Variants in MAP2K5 observed in about 807,000 individuals in gnomAD.
The protein encoded by MAP2K5 is mitogen-activated protein kinase kinase 5, also known as dual specificity mitogen-activated protein kinase kinase 5.
A neutral mutation model predicts 83.1 loss-of-function variants in MAP2K5; 49 were observed. That is an observed-to-expected ratio of 0.59 (90% CI 0.47 to 0.75). The LOEUF (loss-of-function observed/expected upper bound fraction) is 0.75, where lower values mean the gene tolerates loss of function less well. Among genes scored for constraint, MAP2K5 ranks in the 30% least tolerant of loss-of-function variants. MAP2K5 has a pLI of 0.00. For missense variants in MAP2K5, 457 were observed against 557.5 expected, an observed-to-expected ratio of 0.82 and a Z score of 1.82; for synonymous variants, 202 against 191.8, an observed-to-expected ratio of 1.05 and a Z score of -0.44.
intron 8 of MAP2K5, among the ~76,000 whole-genome samples, chr15:67,615,687 T>C (rs1025536280): frequency 1.3e-5 from 2 of 152,064 alleles, no homozygotes; most frequent in South Asian, 2.1e-4. Context: ...AAAATTTAAA[T>C]TTATTTAATT....
chr15:67,770,728 T>C lies in MAP2K5; in HGVS notation c.1196+1065T>C, dbSNP rs895796259. Among the ~76,000 whole-genome samples the C allele has an allele frequency of 1.3e-5, 2 of 152,202 alleles. No individual in the cohort carries two copies. The highest frequency in any genetic ancestry group is 6.5e-5 in the Admixed American group (1 of 15,276). ...CCCACTATGATCTGTCCGATGATTA[T>C]GCTAAAGGGAAACCAAGAAATATTC... On this transcript the variant is annotated intron_variant, in intron 20 of 21. Coordinates refer to ENST00000178640, the MANE Select transcript of MAP2K5 (RefSeq NM_145160.3). This position sits in a 1 kb window ranked among gnomAD's most constrained non-coding sequence, Gnocchi z 5.0.
Position 67,720,996 on chromosome 15 carries a change from CAAAT to C in MAP2K5, c.1045-6916_1045-6913del, listed in dbSNP as rs1178797093. Among the ~76,000 whole-genome samples, 1 of 152,138 alleles carries C rather than the reference CAAAT, an allele frequency of 6.6e-6. No homozygotes were observed. Among genetic ancestry groups the C allele is most frequent in the Non-Finnish European group, 1.5e-5 (1 of 68,018 alleles). Reference sequence around the variant, plus strand: ...CAGGCAATCATTTTTAACAGTGAAACAAATAAAGCAATTAAAGGAACAGCATTAG... The same window carrying C: ...CAGGCAATCATTTTTAACAGTGAAACAAAGCAATTAAAGGAACAGCATTAG... On this transcript the variant is annotated intron_variant, in intron 16 of 21. Transcript: ENST00000178640. This position sits in a 1 kb window ranked among gnomAD's most constrained non-coding sequence, Gnocchi z 5.7.
At chr15:67,600,000 T>G (rs1267493710) in intron 7 of MAP2K5, among the ~76,000 whole-genome samples, 2 of 152,202 alleles carry the variant, frequency 1.3e-5, no homozygotes, top group African/African-American at 2.4e-5. Context: ...CAAACTTATA[T>G]ATAAAGTTAC....
chr15:67,678,962 C>A (rs201165206), intron 13 of MAP2K5, among the ~76,000 whole-genome samples: 485 of 115,886 alleles, frequency 4.2e-3, no homozygotes, highest in Non-Finnish European at 4.5e-3. Flanking sequence ...CACTGCATCT[C>A]AAAAAAAAAA....
chr15:67,699,701 C>T (rs2088363991), intron 15 of MAP2K5, among the ~76,000 whole-genome samples: 1 of 152,110 alleles, frequency 6.6e-6, no homozygotes, highest in Admixed American at 6.5e-5. Context: ...AAAACAAAGC[C>T]ACCTGAACAA....
At position 67,668,527 on chromosome 15, in the gene MAP2K5, A is replaced by G. The variant is rs558739114; in HGVS notation, c.847+3882A>G. Among the ~76,000 whole-genome samples, 6 of 152,306 alleles carry G rather than the reference A, an allele frequency of 3.9e-5. No individual in the cohort carries two copies. Among genetic ancestry groups the G allele is most frequent in the African/African-American group, 1.4e-4 (6 of 41,576 alleles). On this transcript the variant is annotated intron_variant, in intron 13 of 21. Coordinates refer to ENST00000178640, the MANE Select transcript of MAP2K5 (RefSeq NM_145160.3). The surrounding 1 kb of genome is among the most constrained non-coding windows in gnomAD (Gnocchi z 4.0). ...TAGGCCAGATCCGACATTACAGGAA[A>G]CATCGCAGCTTCACTTCAAAACATA... is the stretch of plus-strand genomic sequence containing the variant.
At chr15:67,756,805 A>T (rs528621747) in intron 19 of MAP2K5, among the ~76,000 whole-genome samples, 2 of 151,992 alleles carry the variant, frequency 1.3e-5, no homozygotes, top group East Asian at 3.9e-4. Flanking sequence ...TCTGTGTCTG[A>T]CTTACTTCAC....
At chr15:67,610,104 G>A (rs920093425) in intron 8 of MAP2K5, among the ~76,000 whole-genome samples, 2 of 152,140 alleles carry the variant, frequency 1.3e-5, no homozygotes, top group African/African-American at 4.8e-5. Flanking sequence ...TGCTTCCCAA[G>A]CCAAGGTTTT....
intron 3 of MAP2K5, among the ~76,000 whole-genome samples, chr15:67,566,148 C>CA: frequency 6.6e-6 from 1 of 151,802 alleles, no homozygotes; most frequent in East Asian, 1.9e-4. Context: ...TTGTTTTTTG[C>CA]AAAAAGCTGT....
Position 67,698,066 on chromosome 15 carries a change from T to C in MAP2K5, c.972+4498T>C, listed in dbSNP as rs979474126. Among the ~76,000 whole-genome samples, 15 of 152,224 alleles carry C rather than the reference T, an allele frequency of 9.9e-5. No individual in the cohort carries two copies. The highest frequency in any genetic ancestry group is 3.6e-4 in the African/African-American group (15 of 41,462). On this transcript the variant is annotated intron_variant, in intron 15 of 21. Coordinates refer to ENST00000178640, the MANE Select transcript of MAP2K5 (RefSeq NM_145160.3). This position sits in a 1 kb window ranked among gnomAD's most constrained non-coding sequence, Gnocchi z 4.5. ...AGGGGCAGATAATTAATAGGTTCAA[T>C]AGATACCTTCATCCAAACCATGAAA...
rs186233252 is a variant in MAP2K5 at position 67,591,877 on chromosome 15, C to G, written c.432-1049C>G. On this transcript the variant is annotated intron_variant, in intron 6 of 21. Coordinates refer to ENST00000178640, the MANE Select transcript of MAP2K5 (RefSeq NM_145160.3). The stretch of plus-strand genomic sequence containing the variant: ...CTGTAATCCCAGCACTTTGGGAGGC[C>G]GAGGCGGGCAGATCACCTGAGGTCG... Among the ~76,000 whole-genome samples, 39 of 151,848 alleles carry G rather than the reference C, an allele frequency of 2.6e-4. 1 individual carries two copies. The highest frequency in any genetic ancestry group is 6.8e-3 in the Middle Eastern group (2 of 294).
At position 67,736,538 on chromosome 15, in the gene MAP2K5, C is replaced by T. The variant is rs2089344842; in HGVS notation, c.1074+8593C>T. ...GAAAATATATGACCATGTCTCACACCAGGTAGGACTAAAATGAATTATTTT... is the reference window on the plus strand; with the variant it reads ...GAAAATATATGACCATGTCTCACACTAGGTAGGACTAAAATGAATTATTTT... On this transcript the variant is annotated intron_variant, in intron 17 of 21. Coordinates refer to ENST00000178640, the MANE Select transcript of MAP2K5 (RefSeq NM_145160.3). The surrounding 1 kb of genome is among the most constrained non-coding windows in gnomAD (Gnocchi z 4.3). 6.6e-6 allele frequency among the ~76,000 whole-genome samples: 1 copy of T among 152,182 alleles called. No individual in the cohort carries two copies. The highest frequency in any genetic ancestry group is 6.5e-5 in the Admixed American group (1 of 15,272).
At position 67,652,351 on chromosome 15, in the gene MAP2K5, G is replaced by A. The variant is rs1291307391; in HGVS notation, c.736+5882G>A. Among the ~76,000 whole-genome samples, 3 of 152,120 alleles carry A rather than the reference G, an allele frequency of 2.0e-5. No individual in the cohort carries two copies. Among genetic ancestry groups the A allele is most frequent in the Non-Finnish European group, 4.4e-5 (3 of 68,022 alleles). On this transcript the variant is annotated intron_variant, in intron 11 of 21. Transcript: ENST00000178640. The surrounding 1 kb of genome is among the most constrained non-coding windows in gnomAD (Gnocchi z 4.2). Reference sequence around the variant, plus strand: ...ACTGGGTAATTTATAAAGAAAAGTGGTTTATTTGGCTTATTATTTTGCAGG... The same window carrying A: ...ACTGGGTAATTTATAAAGAAAAGTGATTTATTTGGCTTATTATTTTGCAGG...
chr15:67,589,783 A>ATATG (rs1474663490), intron 6 of MAP2K5, among the ~76,000 whole-genome samples: 97 of 150,242 alleles, frequency 6.5e-4, no homozygotes, highest in African/African-American at 2.3e-3. Flanking sequence ...GTGTGTGTGT[A>ATATG]TGTGTGTGTG....
At chr15:67,580,924 G>A in intron 4 of MAP2K5, 101 bp downstream of exon 4, 1 of 793,736 alleles carries the variant, frequency 1.3e-6, no homozygotes, top group Non-Finnish European at 2.2e-6. Flanking sequence ...ATGATGTTTA[G>A]CTCTTAATTC....
intron 8 of MAP2K5, among the ~76,000 whole-genome samples, chr15:67,625,311 A>G (rs987187343): frequency 6.6e-6 from 1 of 152,208 alleles, no homozygotes; most frequent in African/African-American, 2.4e-5. Flanking sequence ...TGTGTGCTCA[A>G]TTTTAAGGGC....
chr15:67,618,847 C>T (rs62016175), intron 8 of MAP2K5, among the ~76,000 whole-genome samples: 3,267 of 152,266 alleles, frequency 0.021, 75 homozygotes, highest in African/African-American at 0.055. Flanking sequence ...CTGCAAAAGC[C>T]TCCCAACTAG....
chr15:67,688,570 C>T (rs190665488), intron 13 of MAP2K5, among the ~76,000 whole-genome samples: 54 of 152,242 alleles, frequency 3.5e-4, no homozygotes, highest in African/African-American at 1.3e-3. Flanking sequence ...GCCACAGTAG[C>T]AATAGAAATT....
chr15:67,544,551 GTA>G (rs2140936600), intron 1 of MAP2K5, among the ~76,000 whole-genome samples: 1 of 152,138 alleles, frequency 6.6e-6, no homozygotes, highest in South Asian at 2.1e-4. Flanking sequence ...CATTGACTTA[GTA>G]GGTTTCTTTC....
Sources: allele counts gnomAD v4.1 joint callset (sites outside exome capture counted in the v4.1 genomes callset), GRCh38; gene constraint gnomAD v4.1.1; non-coding constraint Gnocchi (gnomAD v3.1); transcripts MANE v1.5; gene names NCBI Gene and HGNC (gene_info 2026-07-23, HGNC 2026-07-21).